Variants in CCDC7 observed in about 807,000 individuals in gnomAD.
CCDC7 encodes coiled-coil domain containing 7.
A neutral mutation model predicts 196.9 loss-of-function variants in CCDC7; 183 were observed. The observed-to-expected ratio is 0.93, with a 90% CI of 0.82 to 1.05. The LOEUF is 1.05. CCDC7 is among the 50% of genes least tolerant of loss of function. The pLI is 0.00. For synonymous variants in CCDC7, 525 were observed against 484.6 expected (o/e 1.08, Z -1.10); for missense variants, 1,540 against 1,482.2 (o/e 1.04, Z -0.64).
chr10:32,844,362 A>G (rs2093157268), intron 33 of CCDC7, among the ~76,000 whole-genome samples: 1 of 151,946 alleles, frequency 6.6e-6, no homozygotes, highest in Admixed American at 6.6e-5. Context: ...TCACATTTTC[A>G]TATTCCACAA....
intron 25 of CCDC7, among the ~76,000 whole-genome samples, chr10:32,718,286 A>T (rs768542183): frequency 6.6e-5 from 10 of 152,232 alleles, no homozygotes; most frequent in Admixed American, 5.9e-4. Flanking sequence ...CAAAAACCAC[A>T]TGATTATCTC....
At chr10:32,797,181 G>GTATATATA (rs201318562) in intron 29 of CCDC7, among the ~76,000 whole-genome samples, 1 of 149,834 alleles carries the variant, frequency 6.7e-6, no homozygotes, top group Non-Finnish European at 1.5e-5. Context: ...GTGTGTGTGT[G>GTATATATA]TATATATATA....
intron 21 of CCDC7, among the ~76,000 whole-genome samples, chr10:32,675,224 C>T (rs553212957): frequency 6.8e-6 from 1 of 147,256 alleles, no homozygotes; most frequent in Admixed American, 6.8e-5. Context: ...TAATGATATA[C>T]TTTATTTCCT....
At chr10:32,834,667 TTTTTTACTAATTCA>T (rs6143864) in intron 32 of CCDC7, 134 bp from the exon 34 acceptor site, 51,209 of 446,756 alleles carry the variant, frequency 0.11, 3,937 homozygotes, top group East Asian at 0.33. Flanking sequence ...GTGCTTTTTT[TTTTTTACTAATTCA>T]TCTTCTTTAA....
chr10:32,502,399 A>G (rs1023261437), intron 9 of CCDC7, among the ~76,000 whole-genome samples: 4 of 152,018 alleles, frequency 2.6e-5, no homozygotes, highest in South Asian at 4.2e-4. Context: ...CCACTGTCCA[A>G]CCAGTCCTAT....
At chr10:32,672,972 T>A (rs2074316987) in intron 21 of CCDC7, among the ~76,000 whole-genome samples, 1 of 152,168 alleles carries the variant, frequency 6.6e-6, no homozygotes, top group Admixed American at 6.5e-5. Flanking sequence ...TAAGGTTGAT[T>A]TTTTTGTGTA....
Position 32,803,588 on chromosome 10 carries a change from T to A in CCDC7, c.3014-1427T>A, listed in dbSNP as rs571745340. Among the ~76,000 whole-genome samples, 4 of 152,280 alleles carry A rather than the reference T, an allele frequency of 2.6e-5. No homozygotes were observed. In the East Asian group the frequency reaches 7.7e-4, roughly 29 times the overall value. The stretch of plus-strand genomic sequence containing the variant: ...TTACTTTCCATTTGTGTGCATAATC[T>A]TTTTCGATTCATTCACTGTCAGTCT... On this transcript the variant is annotated intron_variant, in intron 29 of 41. Coordinates refer to ENST00000639629, the Ensembl canonical transcript of CCDC7.
intron 29 of CCDC7, among the ~76,000 whole-genome samples, chr10:32,786,166 A>T (rs1177667866): frequency 6.6e-6 from 1 of 152,222 alleles, no homozygotes; most frequent in East Asian, 1.9e-4. Context: ...AGCTTTAAGT[A>T]ACAGATTTCA....
chr10:32,632,457 T>C (rs1304791692), intron 18 of CCDC7, among the ~76,000 whole-genome samples: 1 of 151,468 alleles, frequency 6.6e-6, no homozygotes, highest in Non-Finnish European at 1.5e-5. Context: ...TTCTTTCTTT[T>C]ATTTATATAA....
chr10:32,876,177 A>T (rs944239930), intron 41 of CCDC7, among the ~76,000 whole-genome samples, 170 bp from the exon 43 acceptor site: 1 of 152,058 alleles, frequency 6.6e-6, no homozygotes. Context: ...AGAATGTCAC[A>T]GCATCATTCT....
chr10:32,550,712 G>A (rs2053339248), intron 13 of CCDC7, among the ~76,000 whole-genome samples: 1 of 151,974 alleles, frequency 6.6e-6, no homozygotes, highest in African/African-American at 2.4e-5. Flanking sequence ...ATTGACTTGG[G>A]TATATTAAAC....
In CCDC7 at chr10:32,728,884, T is replaced by C. The variant is rs758729812; in HGVS notation, c.2669-3T>C. The stretch of plus-strand genomic sequence containing the variant: ...GATGGACTAAATGCATCTCTTGATA[T>C]AGCTCGTATTGTAGTACCAAATGAA... On this transcript the variant is annotated splice_region_variant and splice_polypyrimidine_tract_variant and intron_variant, in intron 26 of 41. Coordinates refer to ENST00000639629, the Ensembl canonical transcript of CCDC7. 1 of 1,539,440 alleles carries C rather than the reference T, an allele frequency of 6.5e-7. No homozygotes were observed. Among genetic ancestry groups the C allele is most frequent in the South Asian group, 1.1e-5 (1 of 87,408 alleles).
intron 11 of CCDC7, among the ~76,000 whole-genome samples, chr10:32,519,392 G>C (rs192710169): frequency 6.6e-6 from 1 of 152,242 alleles, no homozygotes; most frequent in South Asian, 2.1e-4. Context: ...GGATGTTGCA[G>C]CAGTTTCTGG....
At chr10:32,760,187 C>T (rs964916934) in intron 28 of CCDC7, among the ~76,000 whole-genome samples, 6 of 151,660 alleles carry the variant, frequency 4.0e-5, no homozygotes, top group Admixed American at 1.3e-4. Flanking sequence ...GTCAGTGTGG[C>T]GATTCCTCAG....
chr10:32,638,830 G>A (rs1429335543), intron 20 of CCDC7, among the ~76,000 whole-genome samples: 6 of 152,136 alleles, frequency 3.9e-5, no homozygotes, highest in Non-Finnish European at 7.3e-5. Flanking sequence ...TGTACCTCTG[G>A]TAGAATTCGG....
chr10:32,602,950 T>C (rs999595233), intron 18 of CCDC7, among the ~76,000 whole-genome samples: 2 of 152,222 alleles, frequency 1.3e-5, no homozygotes, highest in African/African-American at 4.8e-5. Flanking sequence ...ATCATTTCTT[T>C]GTGTGGGAAC....
intron 31 of CCDC7, among the ~76,000 whole-genome samples, chr10:32,819,630 G>A (rs1320511451): frequency 1.3e-5 from 2 of 152,136 alleles, no homozygotes; most frequent in Admixed American, 1.3e-4. Flanking sequence ...GATCAAATGG[G>A]CTTCATCCCT....
chr10:32,540,635 A>G (rs1022005376), intron 11 of CCDC7, among the ~76,000 whole-genome samples: 23 of 152,188 alleles, frequency 1.5e-4, no homozygotes, highest in Non-Finnish European at 2.8e-4. Flanking sequence ...TTGGCTGGAT[A>G]TGAAATTCGT....
At chr10:32,880,925 T>C (rs552571053), downstream of CCDC7, among the ~76,000 whole-genome samples, 1 of 152,322 alleles carries the variant, frequency 6.6e-6, no homozygotes, top group Non-Finnish European at 1.5e-5. Context: ...ACCAACTGTT[T>C]TGGTTAAGGC....
Sources: allele counts gnomAD v4.1 joint callset (sites outside exome capture counted in the v4.1 genomes callset), GRCh38; gene constraint gnomAD v4.1.1; transcripts MANE v1.5; gene names NCBI Gene and HGNC (gene_info 2026-07-23, HGNC 2026-07-21).